Variants in IQCE observed in about 807,000 individuals in gnomAD.
IQCE encodes the protein IQ domain-containing protein E.
A neutral mutation model predicts 96.0 loss-of-function variants in IQCE; 115 were observed. That is an observed-to-expected ratio of 1.20 (90% CI 1.03 to 1.40). The LOEUF (loss-of-function observed/expected upper bound fraction) is 1.40. Among genes scored for constraint, IQCE ranks in the 40% most tolerant of loss-of-function variants. The probability of loss-of-function intolerance (pLI) is 0.00; values close to 1 mark genes in which losing one functional copy is unlikely to be tolerated. For missense variants in IQCE, 1,041 were observed against 909.1 expected (o/e 1.15, Z -1.87); for synonymous variants, 412 against 371.2 (o/e 1.11, Z -1.26).
intron 12 of IQCE, among the ~76,000 whole-genome samples, chr7:2,586,793 G>A (rs576599538): frequency 4.6e-5 from 7 of 152,366 alleles, no homozygotes; most frequent in Admixed American, 6.5e-5. Flanking sequence ...CATGAAGACG[G>A]CAGCAGGCGT....
chr7:2,600,612 T>TTGTC (rs1257946383), intron 17 of IQCE, among the ~76,000 whole-genome samples: 1 of 152,214 alleles, frequency 6.6e-6, no homozygotes, highest in Non-Finnish European at 1.5e-5. Context: ...AGATGCTGGC[T>TTGTC]TGTCTGTCTG....
Position 2,586,276 on chromosome 7 carries a change from C to T in IQCE, c.893C>T (p.Ser298Phe). Residue 298 changes from serine to phenylalanine, a missense_variant, in exon 12 of 22, where the codon TCC (serine) becomes TTC (phenylalanine). By Grantham distance (155) the Ser-to-Phe change is radical. Coordinates refer to ENST00000402050, the MANE Select transcript of IQCE (RefSeq NM_152558.5). Reference sequence around the variant, plus strand: ...ATGGGCAGTGCCCTCCTGAGCTTGTCCCGGAGTGTCCAGGAGCTCACGGAA... The same window carrying T: ...ATGGGCAGTGCCCTCCTGAGCTTGTTCCGGAGTGTCCAGGAGCTCACGGAA... ...KKMGSALLSLSRSVQELTEEN... is the reference protein window; with the variant it reads ...KKMGSALLSLFRSVQELTEEN... 1 of 1,609,328 alleles carries T rather than the reference C, an allele frequency of 6.2e-7. No individual in the cohort carries two copies. Among genetic ancestry groups the T allele is most frequent in the Non-Finnish European group, 8.5e-7 (1 of 1,175,674 alleles).
chr7:2,591,813 G>T (rs1783609300), intron 14 of IQCE, among the ~76,000 whole-genome samples: 1 of 152,064 alleles, frequency 6.6e-6, no homozygotes, highest in Admixed American at 6.6e-5. Context: ...TAGAGATGGG[G>T]TTTCACCATG....
At chr7:2,566,929 C>G (rs150778258) in intron 1 of IQCE, among the ~76,000 whole-genome samples, 187 bp from the exon 2 acceptor site, 2,028 of 152,318 alleles carry the variant, frequency 0.013, 35 homozygotes, top group African/African-American at 0.045. Context: ...CCCCACCCAC[C>G]CATTCCTTCT....
At chr7:2,562,849 T>A (rs1296974717) in intron 1 of IQCE, among the ~76,000 whole-genome samples, 1 of 149,904 alleles carries the variant, frequency 6.7e-6, no homozygotes, top group Non-Finnish European at 1.5e-5. Flanking sequence ...CTTGAGATCT[T>A]TCTTTCTTTT....
Position 2,609,970 on chromosome 7 carries a change from G to A in IQCE, c.1970-74G>A, listed in dbSNP as rs1269911257. On this transcript the variant is annotated intron_variant, in intron 21 of 21. Transcript: ENST00000402050. ...CTTGCCTGCCGGGGAAGAGCAGACA[G>A]TGTAAGGGTGTCCGTGGTGGCAGCC... 8.4e-6 allele frequency: 7 copies of A among 837,552 alleles called. 1 individual carries two copies. The highest frequency in any genetic ancestry group is 2.7e-5 in the South Asian group (2 of 73,128). The allele number at this position is 837,552 out of a possible 1,614,324, so 51.9% of individuals were successfully genotyped here.
intron 17 of IQCE, 32 bp from the exon 18 acceptor site, chr7:2,601,409 C>T (rs778478776): frequency 2.2e-6 from 3 of 1,390,382 alleles, no homozygotes; most frequent in East Asian, 2.3e-5. Flanking sequence ...CGTGTTAATT[C>T]ATGTATTTTT....
rs562525537 is a variant in IQCE at position 2,564,934 on chromosome 7, G to A, written c.37-2182G>A. On this transcript the variant is annotated intron_variant, in intron 1 of 21. Transcript: ENST00000402050. ...ACTTCCAGCCTCCCAAACTGAGACA[G>A]TTAATTTCAGTGTGAAACCACCCCA... 2.6e-5 allele frequency among the ~76,000 whole-genome samples: 4 copies of A among 152,322 alleles called. No homozygotes were observed. The East Asian group carries it at 7.7e-4, about 29-fold the overall frequency.
At chr7:2,595,852 G>A (rs1163874382) in intron 16 of IQCE, among the ~76,000 whole-genome samples, 1 of 149,980 alleles carries the variant, frequency 6.7e-6, no homozygotes, top group Non-Finnish European at 1.5e-5. Context: ...CTTCCCTGGA[G>A]GGTCACAGCC....
chr7:2,569,528 G>C (rs1409951675), intron 3 of IQCE, among the ~76,000 whole-genome samples: 4 of 152,170 alleles, frequency 2.6e-5, no homozygotes, highest in African/African-American at 4.8e-5. Flanking sequence ...TTGCCACCCT[G>C]CTTGTCCAGG....
At chr7:2,583,589 C>T (rs200373693) in intron 9 of IQCE, 48 bp from the exon 10 acceptor site, 175 of 1,437,418 alleles carry the variant, frequency 1.2e-4, no homozygotes, top group Non-Finnish European at 1.6e-4. Flanking sequence ...TGCTCTGTCC[C>T]CTGGGAACGC....
At position 2,610,366 on chromosome 7, in the gene IQCE, G is replaced by A. The variant is rs1180251496; in HGVS notation, c.*204G>A. 1.2e-5 allele frequency: 6 copies of A among 517,314 alleles called. No homozygotes were observed. The highest frequency in any genetic ancestry group is 7.7e-5 in the African/African-American group (4 of 51,744). The allele number at this position is 517,314 out of a possible 1,614,324, so 32.0% of individuals were successfully genotyped here. A position where few individuals can be genotyped will look rare whatever the true frequency, so the allele number is the denominator to read the frequency against. On this transcript the variant is annotated 3_prime_UTR_variant, in exon 22 of 22. Coordinates refer to ENST00000402050, the MANE Select transcript of IQCE (RefSeq NM_152558.5). Reference sequence around the variant, plus strand: ...ATTCTCTGGGGAGGGCCAGCGGCTCGCATCCCCCTCATCTCCAGCTGCAGC... The same window carrying A: ...ATTCTCTGGGGAGGGCCAGCGGCTCACATCCCCCTCATCTCCAGCTGCAGC...
intron 21 of IQCE, among the ~76,000 whole-genome samples, chr7:2,608,384 G>A (rs1431289908): frequency 1.3e-5 from 2 of 152,242 alleles, no homozygotes; most frequent in East Asian, 1.9e-4. Flanking sequence ...TCTCCTGCAC[G>A]AGCTAAGAAC....
Position 2,605,932 on chromosome 7 carries a change from G to T in IQCE, c.1800G>T (p.Val600=), listed in dbSNP as rs769085716. Residue 600 remains valine (V), a synonymous_variant, in exon 20 of 22, where the codon GTG becomes GTT. Coordinates refer to ENST00000402050, the MANE Select transcript of IQCE (RefSeq NM_152558.5). ...SPIAQATGSP[V]QEEAIVIIQS... is the part of the protein sequence containing the mutation. Reference sequence around the variant, plus strand: ...TCGCCCAGGCCACGGGCAGCCCTGTGCAGGAGGAGGCCATCGTCATCATCC... The same window carrying T: ...TCGCCCAGGCCACGGGCAGCCCTGTTCAGGAGGAGGCCATCGTCATCATCC... 3 of 1,611,328 alleles carry T rather than the reference G, an allele frequency of 1.9e-6. No homozygotes were observed. In the Admixed American group the frequency reaches 5.0e-5, roughly 27 times the overall value.
chr7:2,597,003 C>T (rs1159308232), intron 16 of IQCE: 1 of 471,360 alleles, frequency 2.1e-6, no homozygotes, highest in South Asian at 1.5e-5. Context: ...AGGAAGATTA[C>T]ACTCCCAGGT....
At chr7:2,589,360 AAAAAAAAAG>A (rs1783392687) in intron 13 of IQCE, among the ~76,000 whole-genome samples, 1 of 151,456 alleles carries the variant, frequency 6.6e-6, no homozygotes, top group South Asian at 2.1e-4. Context: ...ACCCCGTCTC[AAAAAAAAAG>A]AAGAAAAGGT....
At chr7:2,591,229 G>T (rs1049579975) in intron 14 of IQCE, among the ~76,000 whole-genome samples, 1 of 151,990 alleles carries the variant, frequency 6.6e-6, no homozygotes, top group African/African-American at 2.4e-5. Flanking sequence ...TGCCAGCCTG[G>T]GTAACAGTGA....
At chr7:2,588,118 C>A (rs1783274157) in intron 13 of IQCE, among the ~76,000 whole-genome samples, 1 of 152,216 alleles carries the variant, frequency 6.6e-6, no homozygotes, top group South Asian at 2.1e-4. Flanking sequence ...CGCACTGGAG[C>A]CCCTCACAGT....
intron 12 of IQCE, among the ~76,000 whole-genome samples, chr7:2,586,572 A>C (rs949671508): frequency 1.3e-5 from 2 of 152,250 alleles, no homozygotes; most frequent in East Asian, 3.9e-4. Flanking sequence ...AGAAGCTCAC[A>C]GACATCCCTG....
Sources: gnomAD v4.1 joint callset for allele counts (sites outside exome capture counted in the v4.1 genomes callset) on GRCh38, gnomAD v4.1.1 for gene constraint, MANE v1.5 for transcripts, NCBI Gene and HGNC (gene_info 2026-07-23, HGNC 2026-07-21) for gene names.